The following FHIT variants were observed in gnomAD, a reference collection of about 807,000 sequenced individuals.
The protein encoded by FHIT is bis(5'-adenosyl)-triphosphatase.
In FHIT, 19 loss-of-function variants were observed where a neutral mutation model predicts 17.9. The ratio of observed to expected loss-of-function variants is 1.06; its 90% CI spans 0.74 to 1.56. The LOEUF (loss-of-function observed/expected upper bound fraction) is 1.56. FHIT is among the 40% of genes most tolerant of loss of function. The pLI is 0.00. For synonymous variants in FHIT, 81 were observed against 69.7 expected (o/e 1.16, Z -0.81); for missense variants, 248 against 189.2 (o/e 1.31, Z -1.82).
intron 4 of FHIT, among the ~76,000 whole-genome samples, chr3:60,720,478 C>G (rs910171407): frequency 6.6e-6 from 1 of 152,174 alleles, no homozygotes; most frequent in Non-Finnish European, 1.5e-5. Flanking sequence ...TGGTAGAGAG[C>G]AAGAGCTTAC....
rs147987690 is a variant in FHIT at position 60,326,596 on chromosome 3, G to A, written c.103+210264C>T. On this transcript the variant is annotated intron_variant, in intron 5 of 9. Coordinates refer to ENST00000492590, the MANE Select transcript of FHIT (RefSeq NM_002012.4). ...AACAGGCCATGGACTGGTCCATGACGCAGGGGCTGGGGACCCCTGTCCTAA... is the reference window on the plus strand; with the variant it reads ...AACAGGCCATGGACTGGTCCATGACACAGGGGCTGGGGACCCCTGTCCTAA... 8.5e-5 allele frequency among the ~76,000 whole-genome samples: 13 copies of A among 152,288 alleles called. No homozygotes were observed. In the East Asian group the frequency reaches 1.4e-3, roughly 16 times the overall value.
intron 3 of FHIT, among the ~76,000 whole-genome samples, chr3:60,988,593 G>A (rs551532019): frequency 1.1e-4 from 17 of 152,268 alleles, no homozygotes; most frequent in African/African-American, 3.4e-4. Flanking sequence ...GAGAGCTGAC[G>A]AGCAGCACAG....
chr3:60,056,500 T>A (rs1160130976), intron 5 of FHIT, among the ~76,000 whole-genome samples: 1 of 152,256 alleles, frequency 6.6e-6, no homozygotes, highest in African/African-American at 2.4e-5. Context: ...AGTTTAGATG[T>A]ACCCAAACCA....
chr3:61,098,985 G>A lies in FHIT; in HGVS notation c.-163-56886C>T, dbSNP rs192484661. Among the ~76,000 whole-genome samples the A allele has an allele frequency of 1.8e-4, 28 of 152,270 alleles. No individual in the cohort carries two copies. The East Asian group carries it at 3.7e-3, about 20-fold the overall frequency. ...AATGGATGTGGTGAGAGAGGGCATC[G>A]TTGTCTTATGCTGATTTTCAGTGGG... On this transcript the variant is annotated intron_variant, in intron 2 of 9. Coordinates refer to ENST00000492590, the MANE Select transcript of FHIT (RefSeq NM_002012.4).
chr3:61,080,943 G>A (rs2035118359), intron 2 of FHIT, among the ~76,000 whole-genome samples: 1 of 152,114 alleles, frequency 6.6e-6, no homozygotes, highest in Non-Finnish European at 1.5e-5. Context: ...GCAAAAAGCG[G>A]AAGAGGCAGA....
intron 1 of FHIT, among the ~76,000 whole-genome samples, chr3:61,210,454 C>G (rs954755742): frequency 2.6e-5 from 4 of 152,338 alleles, no homozygotes; most frequent in African/African-American, 9.6e-5. Context: ...TGGGATCCAC[C>G]CAGAGCGAGC....
chr3:60,855,367 G>A (rs1703339487), intron 3 of FHIT, among the ~76,000 whole-genome samples: 1 of 152,124 alleles, frequency 6.6e-6, no homozygotes, highest in Admixed American at 6.6e-5. Context: ...ATAGTTGCAA[G>A]AGGAGAAAGC....
intron 5 of FHIT, among the ~76,000 whole-genome samples, chr3:60,087,247 G>A (rs889906671): frequency 6.6e-6 from 1 of 151,876 alleles, no homozygotes; most frequent in African/African-American, 2.4e-5. Flanking sequence ...GAACCATTCT[G>A]TCCATCTACA....
At chr3:60,715,143 T>C (rs1466611965) in intron 4 of FHIT, among the ~76,000 whole-genome samples, 168 of 151,734 alleles carry the variant, frequency 1.1e-3, no homozygotes, top group African/African-American at 3.9e-3. Flanking sequence ...TATCTACAAC[T>C]ATCTGATCTT....
At chr3:60,017,864 T>C (rs9637471) in intron 5 of FHIT, among the ~76,000 whole-genome samples, 2 of 152,124 alleles carry the variant, frequency 1.3e-5, no homozygotes, top group African/African-American at 4.8e-5. Context: ...CTGGTGTGGT[T>C]TGCTATTTGC....
chr3:59,870,401 CTTTTG>C (rs1332174731), intron 8 of FHIT, among the ~76,000 whole-genome samples: 1 of 152,130 alleles, frequency 6.6e-6, no homozygotes, highest in African/African-American at 2.4e-5. Context: ...TTTTAGCCTC[CTTTTG>C]TTTTGTTTCA....
intron 8 of FHIT, among the ~76,000 whole-genome samples, chr3:59,901,028 C>G (rs1386222895): frequency 6.6e-6 from 1 of 152,144 alleles, no homozygotes; most frequent in African/African-American, 2.4e-5. Flanking sequence ...AGTTTTCTTA[C>G]TGTTTTGTCT....
intron 5 of FHIT, among the ~76,000 whole-genome samples, chr3:60,492,990 G>A (rs191935744): frequency 1.3e-5 from 2 of 152,144 alleles, no homozygotes; most frequent in Admixed American, 6.6e-5. Context: ...TAATAAAACA[G>A]GACACAGTAC....
intron 8 of FHIT, among the ~76,000 whole-genome samples, chr3:59,778,472 A>T (rs1485459533): frequency 6.6e-6 from 1 of 152,204 alleles, no homozygotes; most frequent in East Asian, 1.9e-4. Flanking sequence ...TTTAGGATGG[A>T]GCAGGGGTAA....
intron 5 of FHIT, among the ~76,000 whole-genome samples, chr3:60,486,410 G>A (rs2033842649): frequency 6.6e-6 from 1 of 152,082 alleles, no homozygotes. Flanking sequence ...TGTATTTCCT[G>A]TGCACTACAA....
intron 4 of FHIT, chr3:60,730,222 T>C (rs1333835890): frequency 1.4e-5 from 4 of 294,802 alleles, no homozygotes; most frequent in Non-Finnish European, 2.8e-5. Flanking sequence ...CTCTTTGTGC[T>C]GTACAGCTGT....
intron 5 of FHIT, among the ~76,000 whole-genome samples, chr3:60,463,178 T>C (rs796443353): frequency 1.3e-5 from 2 of 152,292 alleles, no homozygotes; most frequent in East Asian, 1.9e-4. Context: ...TTGAGTACCA[T>C]GGGACATGTG....
intron 4 of FHIT, among the ~76,000 whole-genome samples, chr3:60,677,790 C>T (rs1368401346): frequency 2.6e-5 from 4 of 152,108 alleles, no homozygotes; most frequent in African/African-American, 9.7e-5. Flanking sequence ...TGAAGCCATC[C>T]AGTCCTGGGC....
chr3:61,210,821 A>G (rs2039440896), intron 1 of FHIT, among the ~76,000 whole-genome samples: 1 of 151,528 alleles, frequency 6.6e-6, no homozygotes, highest in Non-Finnish European at 1.5e-5. Context: ...TCCTGCACCC[A>G]CTGTATTGCA....
Sources: gnomAD v4.1 joint callset for allele counts (sites outside exome capture counted in the v4.1 genomes callset) on GRCh38, gnomAD v4.1.1 for gene constraint, MANE v1.5 for transcripts, NCBI Gene and HGNC (gene_info 2026-07-23, HGNC 2026-07-21) for gene names.